Variants in AFAP1 observed in about 807,000 individuals in gnomAD.
The protein encoded by AFAP1 is actin filament-associated protein 1.
In AFAP1, 75 loss-of-function variants were observed where a neutral mutation model predicts 93.9. The ratio of observed to expected loss-of-function variants is 0.80; its 90% CI spans 0.66 to 0.97. The LOEUF (loss-of-function observed/expected upper bound fraction) is 0.97. AFAP1 is among the 50% of genes least tolerant of loss of function. The probability of loss-of-function intolerance (pLI) is 0.00; values close to 1 mark genes in which losing one functional copy is unlikely to be tolerated. For missense variants in AFAP1, 1,201 were observed against 1,050.8 expected (o/e 1.14, Z -1.98); for synonymous variants, 517 against 430.7 (o/e 1.20, Z -2.48).
intron 3 of AFAP1, among the ~76,000 whole-genome samples, chr4:7,860,092 A>C (rs990811498): frequency 6.6e-6 from 1 of 152,226 alleles, no homozygotes. Flanking sequence ...GCAGTGAGCC[A>C]TGATCATGCA....
intron 3 of AFAP1, among the ~76,000 whole-genome samples, chr4:7,865,690 A>T (rs1027823641): frequency 2.0e-5 from 3 of 152,246 alleles, no homozygotes; most frequent in East Asian, 3.8e-4. Context: ...AAAATGGTAG[A>T]AAATGCTGAC....
intron 4 of AFAP1, among the ~76,000 whole-genome samples, chr4:7,844,731 TA>T (rs1713488346): frequency 6.6e-6 from 1 of 152,216 alleles, no homozygotes; most frequent in Non-Finnish European, 1.5e-5. Flanking sequence ...AATGGCGTAG[TA>T]AAAGGTCTTC....
intron 17 of AFAP1, among the ~76,000 whole-genome samples, chr4:7,768,011 G>C (rs1016494484): frequency 3.3e-5 from 5 of 152,250 alleles, no homozygotes; most frequent in Non-Finnish European, 7.3e-5. Context: ...AGGAGATCAA[G>C]GCTGTGGTGA....
intron 5 of AFAP1, among the ~76,000 whole-genome samples, chr4:7,840,784 G>C (rs1259105370): frequency 6.6e-6 from 1 of 152,194 alleles, no homozygotes; most frequent in East Asian, 1.9e-4. Context: ...TGTATAAAAA[G>C]AAAGGTGAAA....
chr4:7,787,956 T>C (rs1469252178), intron 11 of AFAP1, among the ~76,000 whole-genome samples: 3 of 144,480 alleles, frequency 2.1e-5, no homozygotes, highest in Admixed American at 1.4e-4. Context: ...GCGTGGGTGC[T>C]GCCCCCCAGG....
At position 7,868,672 on chromosome 4, in the gene AFAP1, G is replaced by A; in HGVS notation, c.175C>T (p.Leu59=). 1 of 1,613,454 alleles carries A rather than the reference G, an allele frequency of 6.2e-7. No individual in the cohort carries two copies. Among genetic ancestry groups the A allele is most frequent in the South Asian group, 1.1e-5 (1 of 91,050 alleles). The change falls in exon 3 of 18, where the codon CTG becomes TTG. Residue 59 remains leucine (L), a synonymous_variant. Transcript: ENST00000420658. ...HAQKQETANS[L]PAPPQMPLPE... Reference sequence around the variant, plus strand: ...AGGGGCATCTGAGGAGGGGCTGGCAGGCTGTTAGCGGTCTCCTGCTTCTGA... The same window carrying A: ...AGGGGCATCTGAGGAGGGGCTGGCAAGCTGTTAGCGGTCTCCTGCTTCTGA...
At chr4:7,831,587 C>T (rs1047981362) in intron 6 of AFAP1, among the ~76,000 whole-genome samples, 2 of 152,152 alleles carry the variant, frequency 1.3e-5, no homozygotes, top group African/African-American at 4.8e-5. Context: ...AGCGCACTGT[C>T]GGCTCTACGC....
At chr4:7,798,241 C>A (rs113922173) in intron 10 of AFAP1, among the ~76,000 whole-genome samples, 1 of 130,784 alleles carries the variant, frequency 7.6e-6, no homozygotes, top group Non-Finnish European at 1.6e-5. Context: ...GCTCACGGCA[C>A]TGCAACTCTA....
chr4:7,820,862 T>G (rs905728436), intron 6 of AFAP1, among the ~76,000 whole-genome samples: 3 of 152,152 alleles, frequency 2.0e-5, no homozygotes, highest in African/African-American at 7.2e-5. Context: ...CTCACACCTG[T>G]AATCCCAATG....
At chr4:7,892,879 C>T (rs547118961) in intron 1 of AFAP1, among the ~76,000 whole-genome samples, 14 of 152,100 alleles carry the variant, frequency 9.2e-5, no homozygotes, top group African/African-American at 2.7e-4. Flanking sequence ...AGGAAAAAGG[C>T]GGATGAAAAT....
intron 4 of AFAP1, among the ~76,000 whole-genome samples, chr4:7,853,890 C>T (rs984642784): frequency 2.6e-5 from 4 of 152,170 alleles, no homozygotes; most frequent in African/African-American, 9.7e-5. Context: ...TCCTCATTCC[C>T]CAGGCGTGAG....
chr4:7,914,524 T>C (rs1719956808), intron 1 of AFAP1, among the ~76,000 whole-genome samples: 1 of 152,140 alleles, frequency 6.6e-6, no homozygotes, highest in East Asian at 1.9e-4. Context: ...AAAGACCACA[T>C]TTTCTCTATC....
In AFAP1 at chr4:7,761,263, C is replaced by CTGTCAGGCCCCTCCAGGGCACCCATTT. The variant is rs1713748972; in HGVS notation, c.*2475_*2501dup. The CTGTCAGGCCCCTCCAGGGCACCCATTT allele has an allele frequency of 6.6e-6, 1 of 152,282 alleles. No individual in the cohort carries two copies. The allele number at this position is 152,282 out of a possible 1,614,324, so 9.4% of individuals were successfully genotyped here. ...GAGTATCCGCCATGGAAGGAACCCA[C>CTGTCAGGCCCCTCCAGGGCACCCATTT]TGTCAGGCCCCTCCAGGGCACCCAT... On this transcript the variant is annotated 3_prime_UTR_variant, in exon 18 of 18. Coordinates refer to ENST00000420658, the MANE Select transcript of AFAP1 (RefSeq NM_001134647.2).
In AFAP1 at chr4:7,778,843, C is replaced by CA. The variant is rs1439806838; in HGVS notation, c.1815dup (p.Gly606TrpfsTer63). 1.2e-6 allele frequency: 2 copies of CA among 1,614,022 alleles called. No homozygotes were observed. The highest frequency in any genetic ancestry group is 1.7e-6 in the Non-Finnish European group (2 of 1,180,026). On this transcript the variant is annotated frameshift_variant, in exon 14 of 18. Coordinates refer to ENST00000420658, the MANE Select transcript of AFAP1 (RefSeq NM_001134647.2). LOFTEE classifies it high-confidence loss of function. The stretch of plus-strand genomic sequence containing the variant: ...AGAGTCTTCCCTTTTCCTGTGACCC[C>CA]ATTAGACGCCACGGGGGGCTTTTTA...
At chr4:7,778,736 T>C in intron 14 of AFAP1, 26 bp downstream of exon 14, 6 of 1,604,256 alleles carry the variant, frequency 3.7e-6, no homozygotes, top group Non-Finnish European at 5.1e-6. Context: ...GAAGCCGGAA[T>C]GCAAGACATC....
At chr4:7,869,002 A>G (rs1484373266) in intron 2 of AFAP1, among the ~76,000 whole-genome samples, 37 of 151,652 alleles carry the variant, frequency 2.4e-4, no homozygotes, top group African/African-American at 8.9e-4. Context: ...GAAAAGAGAA[A>G]GAGAAAGGGA....
intron 6 of AFAP1, among the ~76,000 whole-genome samples, 190 bp from the exon 7 acceptor site, chr4:7,819,361 C>G (rs533099725): frequency 2.6e-5 from 4 of 152,312 alleles, no homozygotes; most frequent in African/African-American, 9.6e-5. Flanking sequence ...CACCCAAAGT[C>G]TATCAACGCT....
chr4:7,866,164 T>C (rs1036490837), intron 3 of AFAP1, among the ~76,000 whole-genome samples: 18 of 152,050 alleles, frequency 1.2e-4, no homozygotes, highest in African/African-American at 4.1e-4. Flanking sequence ...CCCAAAGTGC[T>C]GGGATTACAA....
chr4:7,938,936 C>T (rs1321662869), intron 1 of AFAP1: 3 of 152,104 alleles, frequency 2.0e-5, no homozygotes, highest in African/African-American at 7.2e-5. Flanking sequence ...CGGGCCCGCG[C>T]CTCTCGCTTC....
Sources: gnomAD v4.1 joint callset for allele counts (sites outside exome capture counted in the v4.1 genomes callset) on GRCh38, gnomAD v4.1.1 for gene constraint, MANE v1.5 for transcripts, NCBI Gene and HGNC (gene_info 2026-07-23, HGNC 2026-07-21) for gene names.